DLG5: variants seen among roughly 807,000 people sequenced by gnomAD.
DLG5 encodes the protein discs large MAGUK scaffold protein 5.
A neutral mutation model predicts 189.8 loss-of-function variants in DLG5; 48 were observed. The observed-to-expected ratio is 0.25, with a 90% confidence interval of 0.20 to 0.32. The LOEUF is 0.32. Among genes scored for constraint, DLG5 ranks in the 10% least tolerant of loss-of-function variants. The pLI is 1.00. For synonymous variants in DLG5, 1,016 were observed against 1,054.1 expected (o/e 0.96, Z 0.70); for missense variants, 2,160 against 2,544.7 (o/e 0.85, Z 3.25).
intron 27 of DLG5, among the ~76,000 whole-genome samples, chr10:77,803,709 AT>A (rs1280408276): frequency 6.6e-6 from 1 of 152,222 alleles, no homozygotes; most frequent in Admixed American, 6.5e-5. Context: ...AAAAGGAAGA[AT>A]AGACAAAGGG....
Position 77,922,097 on chromosome 10 carries a change from T to C in DLG5, c.304+4120A>G, listed in dbSNP as rs74327318. On this transcript the variant is annotated intron_variant, in intron 1 of 31. Transcript: ENST00000372391. Reference sequence around the variant, plus strand: ...TAATGTCACTCTCATGAGCGTCCCATTCCCCCAACAAGGCGGCAAGCTACG... The same window carrying C: ...TAATGTCACTCTCATGAGCGTCCCACTCCCCCAACAAGGCGGCAAGCTACG... Among the ~76,000 whole-genome samples, 669 of 152,264 alleles carry C rather than the reference T, an allele frequency of 4.4e-3. 7 individuals carry two copies. Among genetic ancestry groups the C allele is most frequent in the African/African-American group, 0.015 (632 of 41,556 alleles).
chr10:77,897,699 GA>G (rs1167400678), intron 1 of DLG5, among the ~76,000 whole-genome samples: 3 of 141,066 alleles, frequency 2.1e-5, no homozygotes, highest in African/African-American at 7.9e-5. Context: ...GGGGAGGGGG[GA>G]AAGGGAGAGA....
chr10:77,850,512 G>A (rs1211549248), intron 5 of DLG5, among the ~76,000 whole-genome samples: 1 of 152,194 alleles, frequency 6.6e-6, no homozygotes, highest in Non-Finnish European at 1.5e-5. Flanking sequence ...AAGTTTCTGT[G>A]TGGACGTATA....
In DLG5 at chr10:77,807,880, C is replaced by T. The variant is rs1284007730; in HGVS notation, c.4712G>A (p.Arg1571Lys). The change falls in exon 25 of 32, where the codon AGG (arginine) becomes AAG (lysine). Residue 1571 changes from arginine to lysine, a missense_variant. Around this residue, in one of 5 missense-constraint regions of DLG5, gnomAD observed 574 missense variants for 644.2 expected, o/e 0.89. Coordinates refer to ENST00000372391, the MANE Select transcript of DLG5 (RefSeq NM_004747.4). ...EEVYVEMLKPRDGVRLKVQYR... is the reference protein window; with the variant it reads ...EEVYVEMLKPKDGVRLKVQYR... ...CTGCACCTTCAGGCGGACGCCATCC[C>T]TGGGCTTCAGCATCTCCACATAGAC... 6.2e-7 allele frequency: 1 copy of T among 1,614,216 alleles called. No homozygotes were observed. The highest frequency in any genetic ancestry group is 1.1e-5 in the South Asian group (1 of 91,084).
At position 77,792,464 on chromosome 10, in the gene DLG5, C is replaced by G; in HGVS notation, c.5736G>C (p.Leu1912=). 6.2e-7 allele frequency: 1 copy of G among 1,614,240 alleles called. No individual in the cohort carries two copies. Among genetic ancestry groups the G allele is most frequent in the Non-Finnish European group, 8.5e-7 (1 of 1,180,038 alleles). ...AMVNQEQNKV[L]WIPACPL ...CCTAGAGCGGGCAGGCTGGAATCCACAGGACTTTATTTTGTTCTTGATTGA... is the reference window on the plus strand; with the variant it reads ...CCTAGAGCGGGCAGGCTGGAATCCAGAGGACTTTATTTTGTTCTTGATTGA... Residue 1912 remains leucine (L), a synonymous_variant, in exon 32 of 32, where the codon CTG becomes CTC. Coordinates refer to ENST00000372391, the MANE Select transcript of DLG5 (RefSeq NM_004747.4).
chr10:77,864,615 C>T (rs996358248), intron 2 of DLG5, among the ~76,000 whole-genome samples: 1 of 152,234 alleles, frequency 6.6e-6, no homozygotes, highest in Non-Finnish European at 1.5e-5. Context: ...GGAGTAAGTC[C>T]CTGCAGCACT....
chr10:77,904,210 C>A (rs1447814909), intron 1 of DLG5, among the ~76,000 whole-genome samples: 2 of 152,164 alleles, frequency 1.3e-5, no homozygotes, highest in Non-Finnish European at 1.5e-5. Context: ...GGAAAAAGAA[C>A]ATGTTGCTCC....
At chr10:77,930,767 C>T (rs948627271), upstream of DLG5, among the ~76,000 whole-genome samples, 1 of 152,004 alleles carries the variant, frequency 6.6e-6, no homozygotes, top group Non-Finnish European at 1.5e-5. Context: ...CCTGCCTCAG[C>T]CTCCTGAGTA....
At chr10:77,894,425 T>G (rs1056910916) in intron 1 of DLG5, among the ~76,000 whole-genome samples, 1 of 152,160 alleles carries the variant, frequency 6.6e-6, no homozygotes, top group Non-Finnish European at 1.5e-5. Flanking sequence ...AGTTCTATTT[T>G]TCCCCAGCAC....
chr10:77,812,014 C>T lies in DLG5; in HGVS notation c.4232G>A (p.Arg1411Gln). 1 of 1,611,256 alleles carries T rather than the reference C, an allele frequency of 6.2e-7. No homozygotes were observed. Among genetic ancestry groups the T allele is most frequent in the Non-Finnish European group, 8.5e-7 (1 of 1,180,022 alleles). The part of the protein sequence containing the change: ...NLRSATEQQA[R>Q]LIIGQQCDTI... ...ATCACACTGCTGCCCGATGATGAGC[C>T]GCGCCTGCTGCTCCGTGGCGCTCCG... The change falls in exon 22 of 32, where the codon CGG becomes CAG. Residue 1411 changes from arginine to glutamine, a missense_variant. Around this residue, in one of 5 missense-constraint regions of DLG5, gnomAD observed 61 missense variants for 101.0 expected, o/e 0.60. Coordinates refer to ENST00000372391, the MANE Select transcript of DLG5 (RefSeq NM_004747.4).
upstream of DLG5, among the ~76,000 whole-genome samples, chr10:77,931,138 G>A (rs1347672676): frequency 6.6e-6 from 1 of 151,940 alleles, no homozygotes; most frequent in African/African-American, 2.4e-5. Context: ...TGTATTTTTA[G>A]TAGAGATGTG....
chr10:77,818,778 C>T (rs1339755725), intron 17 of DLG5, among the ~76,000 whole-genome samples: 1 of 86,340 alleles, frequency 1.2e-5, no homozygotes, highest in Non-Finnish European at 2.2e-5. Flanking sequence ...GATATCACTT[C>T]GTTCATTTTT....
At chr10:77,913,660 C>T (rs759417713) in intron 1 of DLG5, among the ~76,000 whole-genome samples, 1 of 152,156 alleles carries the variant, frequency 6.6e-6, no homozygotes, top group African/African-American at 2.4e-5. Context: ...ACACTCAGAG[C>T]TCACTGCAAC....
intron 1 of DLG5, among the ~76,000 whole-genome samples, chr10:77,907,237 GC>G (rs1287262176): frequency 6.6e-6 from 1 of 152,070 alleles, no homozygotes; most frequent in Admixed American, 6.6e-5. Flanking sequence ...CTGGGCTCCT[GC>G]CCCCCTATGC....
rs182582702 is a variant in DLG5, at chr10:77,887,890, G to A, written c.305-18693C>T. 3.6e-3 allele frequency among the ~76,000 whole-genome samples: 555 copies of A among 152,326 alleles called. 4 individuals are homozygous for A. The highest frequency in any genetic ancestry group is 0.026 in the South Asian group (126 of 4,824). ...GTGTGTGCTCACAGCAGCAGCAGCC[G>A]TGCCTACAGCCAGCCGGCGATTTTC... On this transcript the variant is annotated intron_variant, in intron 1 of 31. Coordinates refer to ENST00000372391, the MANE Select transcript of DLG5 (RefSeq NM_004747.4).
chr10:77,893,503 G>A (rs376084274), intron 1 of DLG5, among the ~76,000 whole-genome samples: 1 of 152,206 alleles, frequency 6.6e-6, no homozygotes, highest in African/African-American at 2.4e-5. Context: ...CCAGGCCAAG[G>A]GGTTGGGGGC....
intron 8 of DLG5, among the ~76,000 whole-genome samples, chr10:77,835,405 A>G (rs75074625): frequency 9.0e-4 from 137 of 152,268 alleles, no homozygotes; most frequent in African/African-American, 2.8e-3. Context: ...CCCGGTGAAT[A>G]CTGCTGAAAG....
intron 5 of DLG5, among the ~76,000 whole-genome samples, chr10:77,847,379 T>A (rs1843747890): frequency 1.3e-5 from 2 of 151,988 alleles, no homozygotes; most frequent in South Asian, 4.2e-4. Context: ...TGGTTCTCAC[T>A]CTAGCCTTGG....
In DLG5 at chr10:77,878,435, G is replaced by T. The variant is rs556100845; in HGVS notation, c.305-9238C>A. ...TCTCGTTACTGTTACCGTCTCACAG[G>T]CTCCTAAGGAAGGCAGGGCATGGGG... On this transcript the variant is annotated intron_variant, in intron 1 of 31. Transcript: ENST00000372391. 4.6e-5 allele frequency among the ~76,000 whole-genome samples: 7 copies of T among 152,318 alleles called. No individual in the cohort carries two copies. In the East Asian group the frequency reaches 7.7e-4, roughly 17 times the overall value.
Sources: gnomAD v4.1 joint callset for allele counts (sites outside exome capture counted in the v4.1 genomes callset) on GRCh38, gnomAD v4.1.1 for gene constraint, gnomAD v4.1.1 regional missense constraint, MANE v1.5 for transcripts, NCBI Gene and HGNC (gene_info 2026-07-23, HGNC 2026-07-21) for gene names.